CDK19: variants seen among roughly 807,000 people sequenced by gnomAD.
CDK19 encodes cyclin-dependent kinase 19.
CDK19 carries 20 observed loss-of-function variants against 68.3 expected under a neutral mutation model. The ratio of observed to expected loss-of-function variants is 0.29; its 90% CI spans 0.21 to 0.43. The LOEUF (loss-of-function observed/expected upper bound fraction) is 0.43, where lower values mean the gene tolerates loss of function less well. CDK19 is among the 20% of genes least tolerant of loss of function. The pLI, the probability that CDK19 is intolerant of heterozygous loss-of-function variation, is 1.00. For synonymous variants in CDK19, 221 were observed against 222.8 expected, an observed-to-expected ratio of 0.99 and a Z score of 0.07; for missense variants, 339 against 623.5, an observed-to-expected ratio of 0.54 and a Z score of 4.86.
At chr6:110,703,341 A>G (rs964888152) in intron 2 of CDK19, among the ~76,000 whole-genome samples, 6 of 152,164 alleles carry the variant, frequency 3.9e-5, no homozygotes, top group Admixed American at 3.9e-4. Flanking sequence ...TTAGGGAAAT[A>G]TATTAATTAT....
At chr6:110,752,894 T>C (rs1055925653) in intron 1 of CDK19, among the ~76,000 whole-genome samples, 6 of 151,744 alleles carry the variant, frequency 4.0e-5, no homozygotes, top group Middle Eastern at 3.4e-3. Flanking sequence ...ACTGATTGAC[T>C]AGTTATCTCG....
intron 2 of CDK19, among the ~76,000 whole-genome samples, chr6:110,719,622 A>G (rs931960553): frequency 6.6e-6 from 1 of 152,206 alleles, no homozygotes; most frequent in African/African-American, 2.4e-5. Context: ...TAGAAAAGAT[A>G]ATACAGTTAA....
At chr6:110,751,654 C>T (rs1778484155) in intron 1 of CDK19, among the ~76,000 whole-genome samples, 1 of 152,160 alleles carries the variant, frequency 6.6e-6, no homozygotes, top group African/African-American at 2.4e-5. Context: ...AAACCCGTCC[C>T]TGGTCCCAAA....
intron 1 of CDK19, among the ~76,000 whole-genome samples, chr6:110,798,106 G>C: frequency 6.6e-6 from 1 of 151,774 alleles, no homozygotes; most frequent in East Asian, 1.9e-4. Flanking sequence ...GACCATATGA[G>C]TCAGATGTAC....
chr6:110,623,577 G>C lies in CDK19; in HGVS notation c.861-215C>G, dbSNP rs191776079. On this transcript the variant is annotated intron_variant, in intron 8 of 12. Coordinates refer to ENST00000368911, the MANE Select transcript of CDK19 (RefSeq NM_015076.5). ...GAGTTTATACTGTTACAATCCCTTT[G>C]GAAAACAGTTATGCATTAACCATTA... The C allele has an allele frequency of 6.2e-5, 15 of 242,794 alleles. 1 individual carries two copies. The Admixed American group carries it at 9.8e-4, about 16-fold the overall frequency. 15.0% of individuals were successfully genotyped at this position (242,794 alleles called of 1,614,324 possible).
chr6:110,771,111 G>A (rs1055169152), intron 1 of CDK19, among the ~76,000 whole-genome samples: 2 of 152,094 alleles, frequency 1.3e-5, no homozygotes, highest in East Asian at 1.9e-4. Flanking sequence ...ACCATTTTGG[G>A]GTCTGGAGGT....
chr6:110,777,509 G>A (rs1195641817), intron 1 of CDK19, among the ~76,000 whole-genome samples: 1 of 152,166 alleles, frequency 6.6e-6, no homozygotes, highest in Non-Finnish European at 1.5e-5. Context: ...TGGTGAGGAC[G>A]TAGAAAAACT....
At chr6:110,641,746 A>G (rs1237547706) in intron 4 of CDK19, among the ~76,000 whole-genome samples, 1 of 152,126 alleles carries the variant, frequency 6.6e-6, no homozygotes, top group Non-Finnish European at 1.5e-5. Flanking sequence ...AATTGCATGG[A>G]ATGAATGATT....
rs569818538 is a variant in CDK19 at position 110,676,705 on chromosome 6, T to A, written c.205-6164A>T. Among the ~76,000 whole-genome samples the A allele has an allele frequency of 2.6e-5, 4 of 152,328 alleles. 1 individual carries two copies. In the South Asian group the frequency reaches 8.3e-4, roughly 32 times the overall value. On this transcript the variant is annotated intron_variant, in intron 2 of 12. Coordinates refer to ENST00000368911, the MANE Select transcript of CDK19 (RefSeq NM_015076.5). ...CACCTTTTAGCAATAATGTATTTTTTAATTAAGATATATACATTTTTATAC... is the reference window on the plus strand; with the variant it reads ...CACCTTTTAGCAATAATGTATTTTTAAATTAAGATATATACATTTTTATAC...
At chr6:110,755,622 T>C (rs1778786010) in intron 1 of CDK19, among the ~76,000 whole-genome samples, 1 of 152,138 alleles carries the variant, frequency 6.6e-6, no homozygotes, top group African/African-American at 2.4e-5. Context: ...ATCCATGCTA[T>C]ATCCAAGCAA....
intron 1 of CDK19, among the ~76,000 whole-genome samples, chr6:110,749,816 A>ATGACAGAG (rs1281814639): frequency 1.0e-4 from 15 of 145,282 alleles, no homozygotes; most frequent in East Asian, 2.2e-4. Flanking sequence ...TCTGTTGCTC[A>ATGACAGAG]GGCTGGAGTG....
chr6:110,756,607 G>C (rs1005688502), intron 1 of CDK19, among the ~76,000 whole-genome samples: 6 of 151,806 alleles, frequency 4.0e-5, no homozygotes, highest in African/African-American at 1.5e-4. Context: ...TACATTGTAG[G>C]CATTCAAGAA....
chr6:110,710,983 T>C (rs976396008), intron 2 of CDK19, among the ~76,000 whole-genome samples: 3 of 152,170 alleles, frequency 2.0e-5, no homozygotes, highest in African/African-American at 4.8e-5. Flanking sequence ...ATATCGTCTA[T>C]AATAAGAGCT....
chr6:110,623,404 T>A, intron 8 of CDK19, 42 bp from the exon 9 acceptor site: 1 of 1,590,546 alleles, frequency 6.3e-7, no homozygotes, highest in Non-Finnish European at 8.6e-7. Context: ...GGAACACTCA[T>A]CCAATTGATA....
intron 4 of CDK19, among the ~76,000 whole-genome samples, chr6:110,647,683 C>A (rs1182146187): frequency 6.6e-6 from 1 of 152,196 alleles, no homozygotes; most frequent in Admixed American, 6.5e-5. Context: ...ACACCAACCA[C>A]AGATGATCTT....
At chr6:110,680,763 G>A (rs1046456034) in intron 2 of CDK19, among the ~76,000 whole-genome samples, 2 of 152,110 alleles carry the variant, frequency 1.3e-5, no homozygotes, top group African/African-American at 2.4e-5. Flanking sequence ...TTGGGAGGCC[G>A]AGGTGGACAG....
chr6:110,638,005 C>T (rs1779892759), intron 5 of CDK19, among the ~76,000 whole-genome samples: 2 of 152,006 alleles, frequency 1.3e-5, no homozygotes, highest in African/African-American at 4.8e-5. Flanking sequence ...TAGAATAAAG[C>T]ATTTCTTAGC....
intron 1 of CDK19, among the ~76,000 whole-genome samples, chr6:110,776,324 G>A (rs1201228272): frequency 3.9e-5 from 6 of 152,032 alleles, no homozygotes; most frequent in Non-Finnish European, 8.8e-5. Context: ...AGCTGCTCGA[G>A]AGGCTGAGGC....
chr6:110,653,316 CA>C (rs1229150246), intron 4 of CDK19, among the ~76,000 whole-genome samples: 1 of 152,018 alleles, frequency 6.6e-6, no homozygotes. Context: ...GCTTAATTTT[CA>C]AAAGACTAAT....
Sources: gnomAD v4.1 joint callset for allele counts (sites outside exome capture counted in the v4.1 genomes callset) on GRCh38, gnomAD v4.1.1 for gene constraint, MANE v1.5 for transcripts, NCBI Gene and HGNC (gene_info 2026-07-23, HGNC 2026-07-21) for gene names.